Variants in TMEM132C observed in about 807,000 individuals in gnomAD.
TMEM132C encodes transmembrane protein 132C, also known as protein phosphatase 1, regulatory subunit 152.
In TMEM132C, 29 loss-of-function variants were observed where a neutral mutation model predicts 61.4. That is an observed-to-expected ratio of 0.47 (90% CI 0.35 to 0.64). The LOEUF (loss-of-function observed/expected upper bound fraction) is 0.64. Among genes scored for constraint, TMEM132C ranks in the 30% least tolerant of loss-of-function variants. The pLI is 0.00. For synonymous variants in TMEM132C, 656 were observed against 633.1 expected, an observed-to-expected ratio of 1.04 and a Z score of -0.54; for missense variants, 1,408 against 1,476.9, an observed-to-expected ratio of 0.95 and a Z score of 0.76.
chr12:128,336,249 T>C (rs948074226), intron 1 of TMEM132C, among the ~76,000 whole-genome samples: 2 of 152,248 alleles, frequency 1.3e-5, no homozygotes, highest in African/African-American at 4.8e-5. Context: ...TTAAAAAATA[T>C]ATGCATGCCT....
chr12:128,376,225 T>A (rs1874187859), intron 1 of TMEM132C, among the ~76,000 whole-genome samples: 2 of 152,228 alleles, frequency 1.3e-5, no homozygotes, highest in African/African-American at 4.8e-5. Flanking sequence ...CCTAATTATT[T>A]CCTGGGCTTA....
In TMEM132C at chr12:128,326,368, T is replaced by C. The variant is rs190008664; in HGVS notation, c.85+58881T>C. On this transcript the variant is annotated intron_variant, in intron 1 of 8. Coordinates refer to ENST00000435159, the MANE Select transcript of TMEM132C (RefSeq NM_001136103.3). This position sits in a 1 kb window ranked among gnomAD's most constrained non-coding sequence, Gnocchi z 5.6. ...TGTAGCAGGGTTTCACTTTTCGAGC[T>C]GCCAGATCTGCTGGAGAAAATTATA... 1.7e-3 allele frequency among the ~76,000 whole-genome samples: 260 copies of C among 152,342 alleles called. 1 individual carries two copies. Among genetic ancestry groups the C allele is most frequent in the African/African-American group, 5.7e-3 (235 of 41,582 alleles).
In TMEM132C at chr12:128,653,226, A is replaced by G. The variant is rs1954290272; in HGVS notation, c.1306-16191A>G. On this transcript the variant is annotated intron_variant, in intron 4 of 8. Coordinates refer to ENST00000435159, the MANE Select transcript of TMEM132C (RefSeq NM_001136103.3). Reference sequence around the variant, plus strand: ...TAAAATGTCCAGAATAGGTAAGTCCATAGAGGCAGAAAGCCAATTAGTGGT... The same window carrying G: ...TAAAATGTCCAGAATAGGTAAGTCCGTAGAGGCAGAAAGCCAATTAGTGGT... Among the ~76,000 whole-genome samples, 4 of 150,918 alleles carry G rather than the reference A, an allele frequency of 2.7e-5. No individual in the cohort carries two copies. In the South Asian group the frequency reaches 6.4e-4, roughly 24 times the overall value.
At chr12:128,594,408 G>A (rs1430734490) in intron 3 of TMEM132C, among the ~76,000 whole-genome samples, 1 of 151,440 alleles carries the variant, frequency 6.6e-6, no homozygotes, top group African/African-American at 2.4e-5. Flanking sequence ...CGGGACATGG[G>A]GTCTTTGTTT....
intron 1 of TMEM132C, among the ~76,000 whole-genome samples, chr12:128,389,687 G>A (rs549709603): frequency 5.3e-5 from 8 of 152,248 alleles, no homozygotes; most frequent in Admixed American, 1.3e-4. Flanking sequence ...CCAGCCCTGT[G>A]CCTCTGAGTT....
At position 128,630,787 on chromosome 12, in the gene TMEM132C, C is replaced by T. The variant is rs993803344; in HGVS notation, c.1305+14452C>T. ...CGGTGGCTCACGCCTGTAATCCCAGCACTTTGGGAGGCCGAGGCAGGCAGA... is the reference window on the plus strand; with the variant it reads ...CGGTGGCTCACGCCTGTAATCCCAGTACTTTGGGAGGCCGAGGCAGGCAGA... On this transcript the variant is annotated intron_variant, in intron 4 of 8. Transcript: ENST00000435159. This position sits in a 1 kb window ranked among gnomAD's most constrained non-coding sequence, Gnocchi z 4.3. Among the ~76,000 whole-genome samples, 1 of 152,190 alleles carries T rather than the reference C, an allele frequency of 6.6e-6. No individual in the cohort carries two copies. Among genetic ancestry groups the T allele is most frequent in the African/African-American group, 2.4e-5 (1 of 41,434 alleles).
chr12:128,307,759 A>C (rs890276484), intron 1 of TMEM132C, among the ~76,000 whole-genome samples: 1 of 152,364 alleles, frequency 6.6e-6, no homozygotes, highest in Non-Finnish European at 1.5e-5. Context: ...AAGAACTTCA[A>C]GTCATCGTAT....
In TMEM132C at chr12:128,669,421, C is replaced by G. The variant is rs1954508307; in HGVS notation, c.1310C>G (p.Thr437Ser). The G allele has an allele frequency of 1.9e-6, 3 of 1,551,328 alleles. No individual in the cohort carries two copies. Among genetic ancestry groups the G allele is most frequent in the South Asian group, 2.4e-5 (2 of 84,014 alleles). Reference sequence around the variant, plus strand: ...GTGTTTGATTCTTTTTGGCAGGACACTGAAATTCTGAACACCGCCGTACTC... The same window carrying G: ...GTGTTTGATTCTTTTTGGCAGGACAGTGAAATTCTGAACACCGCCGTACTC... The part of the protein sequence containing the change: ...LVGIVPLAMD[T>S]EILNTAVLTG... The change falls in exon 5 of 9, where the codon ACT becomes AGT. Residue 437 changes from threonine to serine, a missense_variant. Thr to Ser is a moderately conservative substitution (Grantham distance 58, BLOSUM62 1). Transcript: ENST00000435159.
At chr12:128,342,859 C>T (rs556799949) in intron 1 of TMEM132C, among the ~76,000 whole-genome samples, 4 of 152,316 alleles carry the variant, frequency 2.6e-5, no homozygotes, top group Admixed American at 1.3e-4. Flanking sequence ...CCTTAGGAGC[C>T]GGGAGGACCT....
intron 3 of TMEM132C, among the ~76,000 whole-genome samples, chr12:128,554,830 A>G (rs376810858): frequency 3.0e-4 from 42 of 142,072 alleles, no homozygotes; most frequent in African/African-American, 1.2e-3. Flanking sequence ...TATGGCTGTA[A>G]GTGTCAGCCC....
chr12:128,364,511 A>G (rs1238005499), intron 1 of TMEM132C, among the ~76,000 whole-genome samples: 2 of 152,188 alleles, frequency 1.3e-5, no homozygotes, highest in Non-Finnish European at 2.9e-5. Context: ...CCCTGCAGAC[A>G]AAGTTTCTCA....
At chr12:128,474,971 G>A (rs568329234) in intron 2 of TMEM132C, among the ~76,000 whole-genome samples, 2 of 152,236 alleles carry the variant, frequency 1.3e-5, no homozygotes, top group South Asian at 4.2e-4. Flanking sequence ...CTTTGCCCGG[G>A]ACAATGACTT....
chr12:128,318,529 G>A (rs1484565424), intron 1 of TMEM132C, among the ~76,000 whole-genome samples: 1 of 152,196 alleles, frequency 6.6e-6, no homozygotes, highest in African/African-American at 2.4e-5. Context: ...CATCACTACA[G>A]CTTCAAGAGT....
chr12:128,580,404 G>C (rs891653571), intron 3 of TMEM132C, among the ~76,000 whole-genome samples: 1 of 152,068 alleles, frequency 6.6e-6, no homozygotes, highest in Admixed American at 6.5e-5. Flanking sequence ...CTGGGCGACA[G>C]AGCCAGACTC....
intron 2 of TMEM132C, among the ~76,000 whole-genome samples, chr12:128,439,498 G>A (rs898227935): frequency 1.4e-4 from 22 of 152,142 alleles, no homozygotes; most frequent in Non-Finnish European, 2.6e-4. Context: ...TATTATCCAG[G>A]AAAAAGAAAT....
intron 2 of TMEM132C, among the ~76,000 whole-genome samples, chr12:128,478,275 C>G (rs1275727511): frequency 2.6e-5 from 4 of 152,166 alleles, no homozygotes; most frequent in African/African-American, 9.7e-5. Flanking sequence ...TATTGAAAAA[C>G]ACTGATTGTT....
rs966874340 is a variant in TMEM132C at position 128,415,040 on chromosome 12, A to G, written c.394A>G (p.Lys132Glu). 1.1e-5 allele frequency: 17 copies of G among 1,577,120 alleles called. No homozygotes were observed. The highest frequency in any genetic ancestry group is 1.8e-5 in the Admixed American group (1 of 54,366). The change falls in exon 2 of 9, where the codon AAA (lysine) becomes GAA (glutamate). Residue 132 changes from lysine to glutamate, a missense_variant. Lys to Glu is a moderately conservative substitution (Grantham distance 56). Transcript: ENST00000435159. This position sits in a 1 kb window ranked among gnomAD's most constrained non-coding sequence, Gnocchi z 5.8. Reference sequence around the variant, plus strand: ...TAAGTTTAGTTTTGATTGGAAACTAAAAGCCCACATCCTGCGGGACAAAGT... The same window carrying G: ...TAAGTTTAGTTTTGATTGGAAACTAGAAGCCCACATCCTGCGGGACAAAGT... ...TNKFSFDWKL[K>E]AHILRDKVYL...
chr12:128,679,263 A>G (rs895838644), intron 5 of TMEM132C, among the ~76,000 whole-genome samples: 5 of 152,214 alleles, frequency 3.3e-5, no homozygotes, highest in African/African-American at 1.2e-4. Context: ...TTGGGTCTTT[A>G]TTTAATCACT....
chr12:128,639,045 GATA>G (rs1426224481), intron 4 of TMEM132C, among the ~76,000 whole-genome samples: 4 of 144,860 alleles, frequency 2.8e-5, no homozygotes, highest in African/African-American at 1.1e-4. Flanking sequence ...TGATGATGGT[GATA>G]ATGACAATGG....
Sources: gnomAD v4.1 joint callset for allele counts (sites outside exome capture counted in the v4.1 genomes callset) on GRCh38, gnomAD v4.1.1 for gene constraint, Gnocchi (gnomAD v3.1) non-coding constraint, MANE v1.5 for transcripts, NCBI Gene and HGNC (gene_info 2026-07-23, HGNC 2026-07-21) for gene names.